GLIPR1: variants seen among roughly 807,000 people sequenced by gnomAD.
GLIPR1 encodes the protein GLI pathogenesis related 1.
GLIPR1 carries 38 observed loss-of-function variants against 30.3 expected under a neutral mutation model. The ratio of observed to expected loss-of-function variants is 1.26; its 90% CI spans 0.97 to 1.65. The LOEUF is 1.65. GLIPR1 is among the 40% of genes most tolerant of loss of function. GLIPR1 has a pLI of 0.00. For missense variants in GLIPR1, 285 were observed against 326.5 expected, an observed-to-expected ratio of 0.87 and a Z score of 0.98; for synonymous variants, 122 against 110.6, an observed-to-expected ratio of 1.10 and a Z score of -0.65.
At chr12:75,494,910 G>A (rs1351027467) in intron 3 of GLIPR1, 1 of 152,182 alleles carries the variant, frequency 6.6e-6, no homozygotes, top group African/African-American at 2.4e-5. Flanking sequence ...CTTCCTCATA[G>A]GGTTTTTGTG....
In GLIPR1 at chr12:75,501,281, C is replaced by T. The variant is rs2046391890; in HGVS notation, c.*2303C>T. ...CTCCTGAATAAGACCTGTCAGCATC[C>T]TTTAGTCTAAGGTGATGAGAAATCC... On this transcript the variant is annotated 3_prime_UTR_variant, in exon 6 of 6. Coordinates refer to ENST00000266659, the MANE Select transcript of GLIPR1 (RefSeq NM_006851.3). The T allele has an allele frequency of 6.4e-6, 1 of 156,508 alleles. No individual in the cohort carries two copies. The highest frequency in any genetic ancestry group is 6.3e-5 in the Admixed American group (1 of 15,982). The allele number at this position is 156,508 out of a possible 1,614,324, so 9.7% of individuals were successfully genotyped here.
intron 3 of GLIPR1, chr12:75,493,261 C>G (rs1192007939): frequency 6.6e-6 from 1 of 152,162 alleles, no homozygotes; most frequent in Non-Finnish European, 1.5e-5. Flanking sequence ...AAAGGTAAAA[C>G]AGAGAGACCA....
At position 75,498,896 on chromosome 12, in the gene GLIPR1, T is replaced by TTAATTCAGTAATTCTAATACTGTCTG. The variant is rs1459432759; in HGVS notation, c.721_746dup (p.Ile251GlnfsTer2). The TTAATTCAGTAATTCTAATACTGTCTG allele has an allele frequency of 6.2e-7, 1 of 1,608,792 alleles. No homozygotes were observed. The highest frequency in any genetic ancestry group is 1.1e-5 in the South Asian group (1 of 90,956). ...AGATACACTTCTCTCTTTCTCATTG[T>TTAATTCAGTAATTCTAATACTGTCTG]TAATTCAGTAATTCTAATACTGTCT... On this transcript the variant is annotated frameshift_variant, in exon 6 of 6. Coordinates refer to ENST00000266659, the MANE Select transcript of GLIPR1 (RefSeq NM_006851.3). LOFTEE classifies it high-confidence loss of function.
intron 2 of GLIPR1, chr12:75,484,427 C>T (rs1349701310): frequency 1.3e-5 from 2 of 152,192 alleles, no homozygotes; most frequent in Non-Finnish European, 2.9e-5. Context: ...ATAAGTTGTT[C>T]CCCTGATGTC....
chr12:75,487,920 A>C, intron 2 of GLIPR1: 1 of 338,898 alleles, frequency 3.0e-6, no homozygotes, highest in South Asian at 2.3e-5. Context: ...TTTTATGGTT[A>C]TTTCTTGATG....
chr12:75,498,788 C>G (rs766627075), intron 5 of GLIPR1, 36 bp from the exon 6 acceptor site: 1 of 1,609,714 alleles, frequency 6.2e-7, no homozygotes, highest in Admixed American at 1.7e-5. Context: ...TTATGAGGAA[C>G]AATGTCTAAG....
At chr12:75,493,321 T>C (rs1216633331) in intron 3 of GLIPR1, 11 of 152,226 alleles carry the variant, frequency 7.2e-5, no homozygotes, top group Admixed American at 7.2e-4. Flanking sequence ...GAGGTATTAT[T>C]TTCCTATACA....
chr12:75,499,132 ACT>A lies in GLIPR1; in HGVS notation c.*157_*158del. ...CTTACTCAAAAGAAGAAATTTCCTA[ACT>A]CTATCAGATAAACTCATCTTTAGTA... On this transcript the variant is annotated 3_prime_UTR_variant, in exon 6 of 6. Coordinates refer to ENST00000266659, the MANE Select transcript of GLIPR1 (RefSeq NM_006851.3). 2 of 483,078 alleles carry A rather than the reference ACT, an allele frequency of 4.1e-6. No individual in the cohort carries two copies. Among genetic ancestry groups the A allele is most frequent in the South Asian group, 7.6e-5 (2 of 26,240 alleles). The allele number at this position is 483,078 out of a possible 1,614,324, so 29.9% of individuals were successfully genotyped here. A position where few individuals can be genotyped will look rare whatever the true frequency, so the allele number is the denominator to read the frequency against.
In GLIPR1 at chr12:75,500,075, T is replaced by A; in HGVS notation, c.*1097T>A. On this transcript the variant is annotated 3_prime_UTR_variant, in exon 6 of 6. Coordinates refer to ENST00000266659, the MANE Select transcript of GLIPR1 (RefSeq NM_006851.3). ...ACTTCAGAGTATTCTTATAATTGAA[T>A]AATTGAAAGGTGATCACAGTATAAA... 1 of 695,038 alleles carries A rather than the reference T, an allele frequency of 1.4e-6. No homozygotes were observed. The allele number at this position is 695,038 out of a possible 1,614,324, so 43.1% of individuals were successfully genotyped here.
rs1240980391 is a variant in GLIPR1 at position 75,500,154 on chromosome 12, CAA to C, written c.*1178_*1179del. ...GAAATTTCTTCAGATTAAGATAAAA[CAA>C]ATCATAAAATACTTTATATATTAGT... On this transcript the variant is annotated 3_prime_UTR_variant, in exon 6 of 6. Transcript: ENST00000266659. 3 of 393,398 alleles carry C rather than the reference CAA, an allele frequency of 7.6e-6. No individual in the cohort carries two copies. Among genetic ancestry groups the C allele is most frequent in the African/African-American group, 4.2e-5 (2 of 47,344 alleles). 24.4% of individuals were successfully genotyped at this position (393,398 alleles called of 1,614,324 possible). A position where few individuals can be genotyped will look rare whatever the true frequency, so the allele number is the denominator to read the frequency against.
At chr12:75,489,553 C>A (rs1342092820) in intron 2 of GLIPR1, among the ~76,000 whole-genome samples, 3 of 152,012 alleles carry the variant, frequency 2.0e-5, no homozygotes, top group African/African-American at 7.3e-5. Flanking sequence ...ACGCTCCCAC[C>A]TACCCTCCTC....
chr12:75,481,357 CTTTT>C (rs72137011), intron 1 of GLIPR1: 233 of 145,788 alleles, frequency 1.6e-3, no homozygotes, highest in East Asian at 3.4e-3. Flanking sequence ...ATTTGGTTTT[CTTTT>C]TTTTTTTTTT....
chr12:75,488,303 C>T (rs186626624), intron 2 of GLIPR1, among the ~76,000 whole-genome samples: 1 of 151,858 alleles, frequency 6.6e-6, no homozygotes, highest in African/African-American at 2.4e-5. Context: ...TTTGGGAGGC[C>T]GAGGCAGGCA....
In GLIPR1 at chr12:75,499,821, CTTCTTTTTCTTT is replaced by C. The variant is rs2046378922; in HGVS notation, c.*845_*856del. 6.3e-7 allele frequency: 1 copy of C among 1,585,944 alleles called. No homozygotes were observed. The highest frequency in any genetic ancestry group is 1.2e-5 in the South Asian group (1 of 86,486). On this transcript the variant is annotated 3_prime_UTR_variant, in exon 6 of 6. Transcript: ENST00000266659. The stretch of plus-strand genomic sequence containing the variant: ...AGTTTTGGGTATGTTACTTTTTTTT[CTTCTTTTTCTTT>C]TCATCTGCCTCCATCTTAAGTGCAA...
In GLIPR1 at chr12:75,501,307, A is replaced by T; in HGVS notation, c.*2329A>T. 6.1e-6 allele frequency: 1 copy of T among 163,466 alleles called. No individual in the cohort carries two copies. Among genetic ancestry groups the T allele is most frequent in the Non-Finnish European group, 1.3e-5 (1 of 74,610 alleles). 10.1% of individuals were successfully genotyped at this position (163,466 alleles called of 1,614,324 possible). A position where few individuals can be genotyped will look rare whatever the true frequency, so the allele number is the denominator to read the frequency against. On this transcript the variant is annotated 3_prime_UTR_variant, in exon 6 of 6. Coordinates refer to ENST00000266659, the MANE Select transcript of GLIPR1 (RefSeq NM_006851.3). ...TTTAGTCTAAGGTGATGAGAAATCC[A>T]TGTTACCGATATAGAAGCCAAACTC... is the stretch of plus-strand genomic sequence containing the variant.
intron 2 of GLIPR1, among the ~76,000 whole-genome samples, chr12:75,485,080 T>G (rs1030736849): frequency 1.2e-4 from 18 of 152,236 alleles, no homozygotes; most frequent in African/African-American, 4.3e-4. Flanking sequence ...ACTCAATTGC[T>G]GTGTTAAATT....
At position 75,482,007 on chromosome 12, in the gene GLIPR1, C is replaced by T; in HGVS notation, c.348C>T (p.Asn116=). The T allele has an allele frequency of 6.2e-7, 1 of 1,614,022 alleles. No homozygotes were observed. The highest frequency in any genetic ancestry group is 8.5e-7 in the Non-Finnish European group (1 of 1,179,908). The change falls in exon 2 of 6, where the codon AAC becomes AAT. Residue 116 remains asparagine, a synonymous_variant. Transcript: ENST00000266659. ...PIFSVSSAIT[N]WYDEIQDYDF... ...TTTCTGTGTCTTCCGCCATCACAAA[C>T]TGGTATGACGAAATCCAGGACTATG...
chr12:75,487,066 G>A (rs1156518384), intron 2 of GLIPR1, among the ~76,000 whole-genome samples: 1 of 152,096 alleles, frequency 6.6e-6, no homozygotes, highest in African/African-American at 2.4e-5. Flanking sequence ...ATTAAAATGG[G>A]GAAGGGATCC....
intron 3 of GLIPR1, chr12:75,494,878 G>A (rs1305040943): frequency 6.6e-6 from 1 of 152,166 alleles, no homozygotes; most frequent in African/African-American, 2.4e-5. Context: ...GCTATATAAT[G>A]GGTATAAATA....
Sources: allele counts gnomAD v4.1 joint callset (sites outside exome capture counted in the v4.1 genomes callset), GRCh38; gene constraint gnomAD v4.1.1; transcripts MANE v1.5; gene names NCBI Gene and HGNC (gene_info 2026-07-23, HGNC 2026-07-21).